DNAH17: variants seen among roughly 807,000 people sequenced by gnomAD.
DNAH17 encodes the protein axonemal beta dynein heavy chain 17.
A neutral mutation model predicts 485.6 loss-of-function variants in DNAH17; 376 were observed. The ratio of observed to expected loss-of-function variants is 0.77; its 90% CI spans 0.71 to 0.84. The LOEUF is 0.84. Among genes scored for constraint, DNAH17 ranks in the 40% least tolerant of loss-of-function variants. The pLI, the probability that DNAH17 is intolerant of heterozygous loss-of-function variation, is 0.00. For missense variants in DNAH17, 6,370 were observed against 5,839.3 expected (o/e 1.09, Z -2.96); for synonymous variants, 3,031 against 2,405.9 (o/e 1.26, Z -7.60).
chr17:78,466,447 A>T (rs953837948), intron 56 of DNAH17, among the ~76,000 whole-genome samples: 6 of 151,910 alleles, frequency 3.9e-5, no homozygotes, highest in African/African-American at 7.3e-5. Flanking sequence ...AAAAATAAAT[A>T]AATTAAAAAA....
intron 42 of DNAH17, 116 bp from the exon 43 acceptor site, chr17:78,491,686 A>T: frequency 2.1e-6 from 3 of 1,448,114 alleles, no homozygotes; most frequent in Non-Finnish European, 2.7e-6. Flanking sequence ...ACTTCAGAGG[A>T]ACAGCAGAGG....
At chr17:78,563,276 C>T (rs954122168) in intron 11 of DNAH17, among the ~76,000 whole-genome samples, 13 of 152,130 alleles carry the variant, frequency 8.5e-5, no homozygotes, top group African/African-American at 1.9e-4. Flanking sequence ...ATGGAGCAGC[C>T]GTGGACTCTC....
intron 25 of DNAH17, among the ~76,000 whole-genome samples, chr17:78,518,781 T>C (rs1343536885): frequency 6.6e-6 from 1 of 152,120 alleles, no homozygotes; most frequent in Admixed American, 6.5e-5. Flanking sequence ...TTTAAAATAA[T>C]GAAAGTTATA....
intron 25 of DNAH17, among the ~76,000 whole-genome samples, chr17:78,519,874 C>G (rs1459842862): frequency 1.3e-5 from 2 of 152,176 alleles, no homozygotes; most frequent in East Asian, 1.9e-4. Flanking sequence ...CTTTGGGAGG[C>G]TGAGGTGGGT....
At chr17:78,535,487 C>T (rs1001600834) in intron 19 of DNAH17, among the ~76,000 whole-genome samples, 1 of 152,262 alleles carries the variant, frequency 6.6e-6, no homozygotes, top group African/African-American at 2.4e-5. Flanking sequence ...CTCCCCACCA[C>T]ACATGCAAAT....
rs1404113755 is a variant in DNAH17, at chr17:78,433,913, A to AAGGGAGGGAAGGAAGG, written c.12225+100_12225+115dup. Reference sequence around the variant, plus strand: ...AAGCCTAAGACAAAGACCAAAAGGAAAGGGAGGGAAGGAAGGAGGGAGGGA... The same window carrying AAGGGAGGGAAGGAAGG: ...AAGCCTAAGACAAAGACCAAAAGGAAAGGGAGGGAAGGAAGGAGGGAGGGAAGGAAGGAGGGAGGGA... On this transcript the variant is annotated intron_variant, in intron 75 of 80. Transcript: ENST00000389840. 1.1e-3 allele frequency: 534 copies of AAGGGAGGGAAGGAAGG among 507,706 alleles called. 4 individuals are homozygous for AAGGGAGGGAAGGAAGG. Among genetic ancestry groups the AAGGGAGGGAAGGAAGG allele is most frequent in the South Asian group, 2.3e-3 (70 of 29,856 alleles). 31.5% of individuals were successfully genotyped at this position (507,706 alleles called of 1,614,324 possible).
chr17:78,469,162 G>C (rs1053403098), intron 54 of DNAH17, among the ~76,000 whole-genome samples: 8 of 151,606 alleles, frequency 5.3e-5, no homozygotes, highest in African/African-American at 1.9e-4. Context: ...TTTTTTTTGA[G>C]ACTGAGTCTC....
intron 44 of DNAH17, 58 bp from the exon 45 acceptor site, chr17:78,486,564 CT>C: frequency 5.2e-6 from 8 of 1,535,752 alleles, no homozygotes; most frequent in Non-Finnish European, 6.1e-6. Flanking sequence ...GCCAGTGTCC[CT>C]GCCTTGGTAA....
chr17:78,488,552 A>T (rs1436360637), intron 44 of DNAH17, among the ~76,000 whole-genome samples: 1 of 152,100 alleles, frequency 6.6e-6, no homozygotes, highest in Non-Finnish European at 1.5e-5. Flanking sequence ...GTGTCTCAGC[A>T]GCTCCTACCC....
At position 78,530,591 on chromosome 17, in the gene DNAH17, C is replaced by G. The variant is rs1202400899; in HGVS notation, c.3115-79G>C. The stretch of plus-strand genomic sequence containing the variant: ...GTCAGCACAGGGCCTCAGTCCAGGG[C>G]CTTCCTGCACTGCACCTGCGCTGCT... On this transcript the variant is annotated intron_variant, in intron 20 of 80. Coordinates refer to ENST00000389840, the MANE Select transcript of DNAH17 (RefSeq NM_173628.4). The G allele has an allele frequency of 3.4e-6, 5 of 1,490,948 alleles. No homozygotes were observed. In the African/African-American group the frequency reaches 5.5e-5, roughly 16 times the overall value. 92.4% of individuals were successfully genotyped at this position (1,490,948 alleles called of 1,614,324 possible).
chr17:78,476,016 A>G (rs1005703215), intron 52 of DNAH17, among the ~76,000 whole-genome samples, 183 bp from the exon 53 acceptor site: 2 of 152,132 alleles, frequency 1.3e-5, no homozygotes, highest in African/African-American at 4.8e-5. Flanking sequence ...AAAATTTCCT[A>G]GAGTGGGAGG....
At chr17:78,530,937 G>T (rs759133989) in intron 20 of DNAH17, among the ~76,000 whole-genome samples, 1 of 152,164 alleles carries the variant, frequency 6.6e-6, no homozygotes, top group Non-Finnish European at 1.5e-5. Flanking sequence ...TTGCCCACGG[G>T]GCCCTCTTTC....
rs1353314752 is a variant in DNAH17, at chr17:78,437,642, T to G, written c.12032A>C (p.Gln4011Pro). ...NLHKALDLFT[Q>P]DTLEMCTKEM... ...CAGCCCGAGCAGGCGTGGCCCTACCTGGGTGAACAGGTCCAGGGCCTTGTG... is the reference window on the plus strand; with the variant it reads ...CAGCCCGAGCAGGCGTGGCCCTACCGGGGTGAACAGGTCCAGGGCCTTGTG... Residue 4011 changes from glutamine to proline, a missense_variant and splice_region_variant, in exon 74 of 81, where the codon CAG (glutamine) becomes CCG (proline). Physicochemically the swap from Gln to Pro is moderately conservative, Grantham distance 76. Coordinates refer to ENST00000389840, the MANE Select transcript of DNAH17 (RefSeq NM_173628.4). 1.2e-6 allele frequency: 2 copies of G among 1,604,700 alleles called. No homozygotes were observed. Among genetic ancestry groups the G allele is most frequent in the Non-Finnish European group, 1.7e-6 (2 of 1,175,352 alleles).
intron 69 of DNAH17, 108 bp from the exon 70 acceptor site, chr17:78,445,788 GGCGCCCTGTCCT>G: frequency 7.7e-7 from 1 of 1,300,018 alleles, no homozygotes; most frequent in African/African-American, 1.5e-5. Flanking sequence ...GCCTGCAGGG[GGCGCCCTGTCCT>G]GCCCCTTTGG....
Position 78,450,823 on chromosome 17 carries a change from G to A in DNAH17, c.10758C>T (p.Asn3586=), listed in dbSNP as rs113338709. The A allele has an allele frequency of 2.7e-5, 44 of 1,614,002 alleles. No individual in the cohort carries two copies. In the East Asian group the frequency reaches 3.3e-4, roughly 12 times the overall value. ...QLKANLTKSQ[N]EFKIVLKELE... ...GCTCTTTCAGAACAATCTTAAATTC[G>A]TTTTGAGACTTGGTGAGGTTTGCCT... Residue 3586 remains asparagine (N), a synonymous_variant, in exon 67 of 81, where the codon AAC becomes AAT. Coordinates refer to ENST00000389840, the MANE Select transcript of DNAH17 (RefSeq NM_173628.4).
intron 17 of DNAH17, among the ~76,000 whole-genome samples, chr17:78,541,778 G>C (rs923724378): frequency 6.6e-6 from 1 of 152,098 alleles, no homozygotes; most frequent in Non-Finnish European, 1.5e-5. Context: ...CTAACCCTAA[G>C]TCAAATCTCT....
intron 44 of DNAH17, among the ~76,000 whole-genome samples, chr17:78,486,842 G>A (rs1286436006): frequency 6.6e-6 from 1 of 152,174 alleles, no homozygotes; most frequent in Non-Finnish European, 1.5e-5. Flanking sequence ...AACAGAAAAG[G>A]AGAAAGATCT....
chr17:78,503,242 T>G (rs12451828), intron 31 of DNAH17, among the ~76,000 whole-genome samples: 10 of 138,914 alleles, frequency 7.2e-5, no homozygotes, highest in Non-Finnish European at 1.5e-4. Flanking sequence ...TGCAGTGGCA[T>G]GATCTCGGCT....
intron 48 of DNAH17, among the ~76,000 whole-genome samples, chr17:78,481,277 G>C (rs1246083761): frequency 6.7e-6 from 1 of 150,238 alleles, no homozygotes; most frequent in Non-Finnish European, 1.5e-5. Flanking sequence ...TAATTTTTTT[G>C]TACTTTTAGT....
Sources: allele counts gnomAD v4.1 joint callset (sites outside exome capture counted in the v4.1 genomes callset), GRCh38; gene constraint gnomAD v4.1.1; transcripts MANE v1.5; gene names NCBI Gene and HGNC (gene_info 2026-07-23, HGNC 2026-07-21).